Variants in FILIP1L observed in about 807,000 individuals in gnomAD.
FILIP1L encodes filamin A-interacting protein 1-like.
A neutral mutation model predicts 96.6 loss-of-function variants in FILIP1L; 55 were observed. The ratio of observed to expected loss-of-function variants is 0.57; its 90% CI spans 0.46 to 0.71. The LOEUF is 0.71. Ranked by LOEUF, FILIP1L falls within the 30% of genes least tolerant of loss-of-function variation. The probability of loss-of-function intolerance (pLI) is 0.00; values close to 1 mark genes in which losing one functional copy is unlikely to be tolerated. For missense variants in FILIP1L, 1,304 were observed against 1,321.2 expected, an observed-to-expected ratio of 0.99 and a Z score of 0.20; for synonymous variants, 467 against 473.9, an observed-to-expected ratio of 0.99 and a Z score of 0.19.
At chr3:99,915,890 T>C (rs1037691942) in intron 4 of FILIP1L, among the ~76,000 whole-genome samples, 2 of 152,232 alleles carry the variant, frequency 1.3e-5, no homozygotes, top group Admixed American at 6.5e-5. Flanking sequence ...GTCACATTAT[T>C]AGAACCCAGT....
At chr3:100,054,991 G>A (rs755827815) in intron 1 of FILIP1L, among the ~76,000 whole-genome samples, 40 of 151,938 alleles carry the variant, frequency 2.6e-4, no homozygotes, top group Admixed American at 1.0e-3. Context: ...CCTCTTTTGG[G>A]CCTTCTTGCT....
chr3:100,003,742 T>G lies in FILIP1L; in HGVS notation c.-10-72712A>C, dbSNP rs74480101. Reference sequence around the variant, plus strand: ...CTTGATCTAGTGTCTGCCTCTGTTGTTTGTTTACCCTTGAGATGCTAAAAG... The same window carrying G: ...CTTGATCTAGTGTCTGCCTCTGTTGGTTGTTTACCCTTGAGATGCTAAAAG... On this transcript the variant is annotated intron_variant, in intron 1 of 5. Transcript: ENST00000477258. 6.1e-3 allele frequency among the ~76,000 whole-genome samples: 934 copies of G among 152,292 alleles called. 6 individuals are homozygous for G. The highest frequency in any genetic ancestry group is 0.018 in the African/African-American group (740 of 41,562).
chr3:99,854,927 T>C (rs982412779), intron 4 of FILIP1L, among the ~76,000 whole-genome samples: 1 of 152,318 alleles, frequency 6.6e-6, no homozygotes, highest in South Asian at 2.1e-4. Context: ...TTGAATCACA[T>C]AGGAATCTTG....
chr3:99,869,019 A>C (rs568038470), intron 4 of FILIP1L, among the ~76,000 whole-genome samples: 49 of 152,310 alleles, frequency 3.2e-4, no homozygotes, highest in African/African-American at 1.2e-3. Flanking sequence ...ACCAAATGAT[A>C]GAGAGGTAAA....
chr3:99,991,973 C>CATATGTGTGTATATAT (rs1248111331), intron 1 of FILIP1L, among the ~76,000 whole-genome samples: 1 of 147,018 alleles, frequency 6.8e-6, no homozygotes, highest in African/African-American at 2.5e-5. Context: ...TATATATACA[C>CATATGTGTGTATATAT]ACATATATGT....
In FILIP1L at chr3:99,849,762, C is replaced by T; in HGVS notation, c.1914G>A (p.Lys638=). The part of the protein sequence containing the change: ...LSQEVERLKL[K]LKDMKAIEDD... ...CCTCAATGGCTTTCATGTCCTTTAG[C>T]TTCAGTTTCAGTCTTTCCACTTCTT... The change falls in exon 5 of 6, where the codon AAG becomes AAA. Residue 638 remains lysine (K), a synonymous_variant. Coordinates refer to ENST00000477258, the MANE Select transcript of FILIP1L (RefSeq NM_001387850.1). 1 of 1,613,680 alleles carries T rather than the reference C, an allele frequency of 6.2e-7. No homozygotes were observed. Among genetic ancestry groups the T allele is most frequent in the Non-Finnish European group, 8.5e-7 (1 of 1,179,988 alleles).
At chr3:99,899,685 C>T (rs1706373107) in intron 4 of FILIP1L, among the ~76,000 whole-genome samples, 1 of 152,102 alleles carries the variant, frequency 6.6e-6, no homozygotes, top group Non-Finnish European at 1.5e-5. Context: ...TTTGGACTCC[C>T]ACCTCCTTGA....
chr3:99,894,331 A>G (rs944201642), intron 4 of FILIP1L, among the ~76,000 whole-genome samples: 1 of 152,210 alleles, frequency 6.6e-6, no homozygotes, highest in Non-Finnish European at 1.5e-5. Context: ...CCATTTGTTC[A>G]TCTGTTGTGG....
At chr3:99,843,216 A>G (rs1052753140) in intron 5 of FILIP1L, among the ~76,000 whole-genome samples, 13 of 152,160 alleles carry the variant, frequency 8.5e-5, no homozygotes, top group Admixed American at 5.9e-4. Context: ...AAGAAATGCT[A>G]CAGATTTAAG....
chr3:99,859,400 A>G (rs1944131683), intron 4 of FILIP1L, among the ~76,000 whole-genome samples: 1 of 152,250 alleles, frequency 6.6e-6, no homozygotes, highest in East Asian at 1.9e-4. Context: ...TGTTTGAAAC[A>G]GTGTAACAGT....
At chr3:99,837,782 T>C (rs1942961300) in intron 5 of FILIP1L, among the ~76,000 whole-genome samples, 1 of 152,198 alleles carries the variant, frequency 6.6e-6, no homozygotes, top group Non-Finnish European at 1.5e-5. Context: ...AAATCCAGAT[T>C]TAGAGTGTAC....
chr3:100,074,129 A>T (rs1391309387), intron 1 of FILIP1L, among the ~76,000 whole-genome samples: 1 of 152,166 alleles, frequency 6.6e-6, no homozygotes, highest in Non-Finnish European at 1.5e-5. Flanking sequence ...TGTATGCTGT[A>T]ACCTCAAAAA....
chr3:100,074,028 T>G (rs550036661), intron 1 of FILIP1L, among the ~76,000 whole-genome samples: 8 of 152,236 alleles, frequency 5.3e-5, no homozygotes, highest in Non-Finnish European at 8.8e-5. Flanking sequence ...GCAAGTCGTC[T>G]TCTACTGTTA....
chr3:100,062,137 A>G (rs1413603411), intron 1 of FILIP1L, among the ~76,000 whole-genome samples: 5 of 77,606 alleles, frequency 6.4e-5, no homozygotes, highest in Admixed American at 4.1e-4. Flanking sequence ...TTTGAGACGG[A>G]GTGTTGCTCT....
At chr3:100,111,678 A>G (rs958789550) in intron 1 of FILIP1L, among the ~76,000 whole-genome samples, 29 of 152,300 alleles carry the variant, frequency 1.9e-4, no homozygotes, top group Non-Finnish European at 2.2e-4. Flanking sequence ...CTAGACTTCT[A>G]AGAGGCTATA....
At position 99,848,587 on chromosome 3, in the gene FILIP1L, G is replaced by A. The variant is rs765900822; in HGVS notation, c.3089C>T (p.Ala1030Val). ...CCGGTCTGGGGAGACTCTGAATATCGCATGCTTGGCACTGATTTCTGTTGG... is the reference window on the plus strand; with the variant it reads ...CCGGTCTGGGGAGACTCTGAATATCACATGCTTGGCACTGATTTCTGTTGG... The part of the protein sequence containing the change: ...PEPTEISAKH[A>V]IFRVSPDRQS... Residue 1030 changes from alanine (A) to valine (V), a missense_variant, in exon 5 of 6, where the codon GCG (alanine) becomes GTG (valine). Physicochemically the swap from Ala to Val is moderately conservative, Grantham distance 64. Coordinates refer to ENST00000477258, the MANE Select transcript of FILIP1L (RefSeq NM_001387850.1). 3.7e-6 allele frequency: 6 copies of A among 1,614,134 alleles called. No homozygotes were observed. Among genetic ancestry groups the A allele is most frequent in the Middle Eastern group, 3.3e-4 (2 of 6,062 alleles).
chr3:99,957,486 C>T (rs2107697058), intron 1 of FILIP1L, among the ~76,000 whole-genome samples: 1 of 151,982 alleles, frequency 6.6e-6, no homozygotes. Flanking sequence ...ATGAAAGATC[C>T]TCATTAGGTT....
chr3:99,880,687 A>T (rs958990680), intron 4 of FILIP1L, among the ~76,000 whole-genome samples: 3 of 152,046 alleles, frequency 2.0e-5, no homozygotes, highest in Admixed American at 1.3e-4. Flanking sequence ...AAATTAATTT[A>T]AAATTTTTTT....
chr3:100,038,857 G>GCA (rs1178995194), intron 1 of FILIP1L, among the ~76,000 whole-genome samples: 1 of 152,140 alleles, frequency 6.6e-6, no homozygotes, highest in African/African-American at 2.4e-5. Context: ...AGTCCAAAAG[G>GCA]CACAGTACAG....
Sources: gnomAD v4.1 joint callset for allele counts (sites outside exome capture counted in the v4.1 genomes callset) on GRCh38, gnomAD v4.1.1 for gene constraint, MANE v1.5 for transcripts, NCBI Gene and HGNC (gene_info 2026-07-23, HGNC 2026-07-21) for gene names.